The following DENND2B variants were observed in gnomAD, a reference collection of about 807,000 sequenced individuals.
DENND2B encodes the protein DENN domain-containing protein 2B.
DENND2B carries 32 observed loss-of-function variants against 116.0 expected under a neutral mutation model. The ratio of observed to expected loss-of-function variants is 0.28; its 90% CI spans 0.21 to 0.37. DENND2B has a LOEUF of 0.37. DENND2B is among the 10% of genes least tolerant of loss of function. The probability of loss-of-function intolerance (pLI) is 1.00; values close to 1 mark genes in which losing one functional copy is unlikely to be tolerated. For missense variants in DENND2B, 1,276 were observed against 1,477.7 expected (o/e 0.86, Z 2.24); for synonymous variants, 588 against 583.9 (o/e 1.01, Z -0.10).
intron 1 of DENND2B, among the ~76,000 whole-genome samples, chr11:8,773,452 T>C (rs1341812474): frequency 6.6e-6 from 1 of 152,200 alleles, no homozygotes; most frequent in Non-Finnish European, 1.5e-5. Context: ...TCCCCTGTCA[T>C]AGCCCCATCA....
At chr11:8,768,027 C>A (rs2056187706) in intron 1 of DENND2B, among the ~76,000 whole-genome samples, 1 of 151,772 alleles carries the variant, frequency 6.6e-6, no homozygotes, top group South Asian at 2.1e-4. Flanking sequence ...AGAAAGAGAT[C>A]TAGATCGAGC....
At chr11:8,726,955 G>C (rs776380632) in intron 3 of DENND2B, among the ~76,000 whole-genome samples, 31 of 152,228 alleles carry the variant, frequency 2.0e-4, no homozygotes, top group Middle Eastern at 3.2e-3. Flanking sequence ...CTTCCCTTCA[G>C]CTAGCTTGCT....
intron 2 of DENND2B, among the ~76,000 whole-genome samples, chr11:8,736,312 C>A (rs1305760911): frequency 6.6e-6 from 1 of 152,058 alleles, no homozygotes; most frequent in African/African-American, 2.4e-5. Flanking sequence ...AATCATACCA[C>A]TGCACTCCAG....
At chr11:8,806,638 A>ACACACACACACC (rs1017645452) in intron 1 of DENND2B, among the ~76,000 whole-genome samples, 19 of 151,014 alleles carry the variant, frequency 1.3e-4, no homozygotes, top group East Asian at 2.0e-4. Context: ...ACACACACAC[A>ACACACACACACC]CCCAGGAGAG....
chr11:8,834,191 A>G (rs1448963381), intron 4 of DENND2B, among the ~76,000 whole-genome samples: 1 of 152,262 alleles, frequency 6.6e-6, no homozygotes, highest in East Asian at 1.9e-4. Flanking sequence ...CCTGGAACCT[A>G]GTACAGTTTG....
In DENND2B at chr11:8,717,968, C is replaced by T; in HGVS notation, c.1478-76G>A. The T allele has an allele frequency of 2.0e-6, 3 of 1,530,306 alleles. 1 individual carries two copies. The highest frequency in any genetic ancestry group is 2.3e-5 in the East Asian group (1 of 43,818). 94.8% of individuals were successfully genotyped at this position (1,530,306 alleles called of 1,614,324 possible). On this transcript the variant is annotated intron_variant, in intron 4 of 19. Coordinates refer to ENST00000313726, the MANE Select transcript of DENND2B (RefSeq NM_213618.2). Reference sequence around the variant, plus strand: ...ACGAACTCACACACACACAAATAAACAAGCAGAATTCCTGTGAACCAAAGA... The same window carrying T: ...ACGAACTCACACACACACAAATAAATAAGCAGAATTCCTGTGAACCAAAGA...
chr11:8,747,435 G>A (rs1473348173), intron 2 of DENND2B, among the ~76,000 whole-genome samples: 2 of 151,664 alleles, frequency 1.3e-5, no homozygotes, highest in Non-Finnish European at 2.9e-5. Flanking sequence ...AGAGCAGTAA[G>A]TGGCAAAGTT....
intron 14 of DENND2B, among the ~76,000 whole-genome samples, chr11:8,699,631 G>A (rs144423275): frequency 2.6e-5 from 4 of 152,270 alleles, no homozygotes; most frequent in Non-Finnish European, 4.4e-5. Flanking sequence ...GCAGCAACCC[G>A]CAGGACAGTC....
chr11:8,785,861 T>C (rs1321230328), intron 1 of DENND2B: 1 of 152,228 alleles, frequency 6.6e-6, no homozygotes. Context: ...CAAAATAATG[T>C]TCTAATAGAA....
At chr11:8,718,751 G>T in intron 4 of DENND2B, 1 of 1,062,570 alleles carries the variant, frequency 9.4e-7, no homozygotes, top group Non-Finnish European at 1.1e-6. Context: ...CATTGTATTG[G>T]CATTACCAGA....
chr11:8,703,262 C>G (rs1316098523), intron 13 of DENND2B: 1 of 153,214 alleles, frequency 6.5e-6, no homozygotes, highest in Non-Finnish European at 1.5e-5. Context: ...GTTTGTCCTG[C>G]TATCCTGGCC....
chr11:8,721,648 A>G (rs948010197), intron 4 of DENND2B, among the ~76,000 whole-genome samples: 4 of 152,084 alleles, frequency 2.6e-5, no homozygotes, highest in Non-Finnish European at 5.9e-5. Context: ...GCTGTTGCCC[A>G]CCCTCCAAGC....
At chr11:8,877,254 C>G (rs1427873449) in intron 2 of DENND2B, among the ~76,000 whole-genome samples, 1 of 151,842 alleles carries the variant, frequency 6.6e-6, no homozygotes, top group African/African-American at 2.4e-5. Flanking sequence ...CAGGTGCCCA[C>G]CACCATGCCC....
intron 2 of DENND2B, among the ~76,000 whole-genome samples, chr11:8,734,273 T>C (rs182630262): frequency 3.3e-4 from 50 of 152,328 alleles, no homozygotes; most frequent in Admixed American, 2.1e-3. Flanking sequence ...GGTTGTCATA[T>C]TGAGCCAATG....
chr11:8,854,142 C>T lies in DENND2B; in HGVS notation c.-156+3201G>A, dbSNP rs561575105. On this transcript the variant is annotated intron_variant, in intron 3 of 6. Coordinates refer to the DENND2B transcript ENST00000524757. ...TTGGCCTCCCAAAGTGCTGGGATTA[C>T]AGGTGTGAACCACCATGTCTGGCCA... 4.2e-4 allele frequency among the ~76,000 whole-genome samples: 62 copies of T among 145,888 alleles called. 2 individuals carry two copies. The South Asian group carries it at 0.014, about 32-fold the overall frequency.
intron 2 of DENND2B, among the ~76,000 whole-genome samples, chr11:8,745,572 A>C (rs1307499379): frequency 1.3e-5 from 2 of 152,232 alleles, no homozygotes; most frequent in African/African-American, 2.4e-5. Flanking sequence ...AGATGTTGAG[A>C]TTCCTCTCAG....
intron 3 of DENND2B, among the ~76,000 whole-genome samples, chr11:8,850,280 TAAATA>T (rs1382171209): frequency 1.3e-5 from 2 of 152,146 alleles, no homozygotes; most frequent in Admixed American, 1.3e-4. Flanking sequence ...TAAAATGCAT[TAAATA>T]AAATATAAAA....
chr11:8,785,535 G>A (rs2058821860), intron 1 of DENND2B: 1 of 152,178 alleles, frequency 6.6e-6, no homozygotes, highest in African/African-American at 2.4e-5. Flanking sequence ...ACCTCTCCCT[G>A]GTCACTATAA....
chr11:8,768,911 T>G (rs1192627025), intron 1 of DENND2B: 1 of 152,210 alleles, frequency 6.6e-6, no homozygotes, highest in Non-Finnish European at 1.5e-5. Context: ...AGGGGTTCTG[T>G]TCAGTGACCT....
Sources: allele counts gnomAD v4.1 joint callset (sites outside exome capture counted in the v4.1 genomes callset), GRCh38; gene constraint gnomAD v4.1.1; transcripts MANE v1.5; gene names NCBI Gene and HGNC (gene_info 2026-07-23, HGNC 2026-07-21).